RPE65: variants seen among roughly 807,000 people sequenced by gnomAD.
RPE65 encodes retinoid isomerohydrolase.
A neutral mutation model predicts 68.5 loss-of-function variants in RPE65; 58 were observed. The ratio of observed to expected loss-of-function variants is 0.85; its 90% CI spans 0.69 to 1.05. The LOEUF (loss-of-function observed/expected upper bound fraction) is 1.05. Among genes scored for constraint, RPE65 ranks in the 50% least tolerant of loss-of-function variants. RPE65 has a pLI of 0.00. For missense variants in RPE65, 643 were observed against 629.9 expected (o/e 1.02, Z -0.22); for synonymous variants, 220 against 222.2 (o/e 0.99, Z 0.09).
In RPE65 at chr1:68,448,653, A is replaced by G. The variant is rs61751277; in HGVS notation, c.65T>C (p.Leu22Pro). The stretch of plus-strand genomic sequence containing the variant: ...TACATGAGCTGTGAGCGGCGAGGAC[A>G]GTTCCTCCACAGTTTCAAACAGTTT... Reference protein sequence around the residue: ...YKKLFETVEELSSPLTAHVTG... With the variant: ...YKKLFETVEEPSSPLTAHVTG... Residue 22 changes from leucine to proline, a missense_variant, in exon 2 of 14, where the codon CTG (leucine) becomes CCG (proline). Leu to Pro is a moderately conservative substitution (Grantham distance 98). Transcript: ENST00000262340. 17 of 1,613,860 alleles carry G rather than the reference A, an allele frequency of 1.1e-5. No homozygotes were observed. The highest frequency in any genetic ancestry group is 6.7e-5 in the African/African-American group (5 of 74,866).
chr1:68,441,023 C>T (rs764463195), intron 5 of RPE65, 23 bp from the exon 6 acceptor site: 5 of 1,613,200 alleles, frequency 3.1e-6, no homozygotes, highest in East Asian at 2.2e-5. Flanking sequence ...AGTGAATGTC[C>T]TCCAGTTGAG....
chr1:68,438,397 A>G, intron 9 of RPE65, 81 bp from the exon 10 acceptor site: 1 of 1,510,204 alleles, frequency 6.6e-7, no homozygotes, highest in South Asian at 1.2e-5. Context: ...TTTAAGCACA[A>G]GTGCCTGCCT....
intron 13 of RPE65, among the ~76,000 whole-genome samples, chr1:68,430,290 C>G (rs184329893): frequency 1.9e-3 from 286 of 152,284 alleles, no homozygotes; most frequent in African/African-American, 6.6e-3. Context: ...GCTGTACATA[C>G]TGTAAAAACT....
chr1:68,432,125 T>C lies in RPE65; in HGVS notation c.1129-540A>G, dbSNP rs755520483. 8.8e-4 allele frequency among the ~76,000 whole-genome samples: 133 copies of C among 151,564 alleles called. 1 individual carries two copies. Among genetic ancestry groups the C allele is most frequent in the Non-Finnish European group, 1.2e-3 (80 of 67,912 alleles). Reference sequence around the variant, plus strand: ...AAGATCTCTTGTCACACACACATGATTTTTCTGATTATTTTATGAAATACC... The same window carrying C: ...AAGATCTCTTGTCACACACACATGACTTTTCTGATTATTTTATGAAATACC... On this transcript the variant is annotated intron_variant, in intron 10 of 13. Transcript: ENST00000262340.
Position 68,439,520 on chromosome 1 carries a change from C to T in RPE65, c.725+41G>A, listed in dbSNP as rs544065979. 8.7e-6 allele frequency: 14 copies of T among 1,603,416 alleles called. No individual in the cohort carries two copies. In the East Asian group the frequency reaches 2.9e-4, roughly 33 times the overall value. On this transcript the variant is annotated intron_variant, in intron 7 of 13. Transcript: ENST00000262340. ...AAGGTAGGCAAAGCAAATCTTTAAA[C>T]TTGAGTTTTCCTGAAGATTCATAGC... is the stretch of plus-strand genomic sequence containing the variant.
In RPE65 at chr1:68,429,755, A is replaced by T; in HGVS notation, c.*21T>A. 1.2e-6 allele frequency: 2 copies of T among 1,613,374 alleles called. No individual in the cohort carries two copies. Among genetic ancestry groups the T allele is most frequent in the South Asian group, 2.2e-5 (2 of 91,070 alleles). Reference sequence around the variant, plus strand: ...GATTTTCTCAGTTTTGCTACCAAAAACATATCTTGCTGGAGTATGCTCAAG... The same window carrying T: ...GATTTTCTCAGTTTTGCTACCAAAATCATATCTTGCTGGAGTATGCTCAAG... On this transcript the variant is annotated 3_prime_UTR_variant, in exon 14 of 14. Transcript: ENST00000262340.
chr1:68,446,885 T>C, intron 2 of RPE65, 25 bp from the exon 3 acceptor site: 1 of 1,612,600 alleles, frequency 6.2e-7, no homozygotes, highest in Non-Finnish European at 8.5e-7. Context: ...AGACAGAACA[T>C]TGCTTCTTAT....
Position 68,429,712 on chromosome 1 carries a change from G to A in RPE65, c.*64C>T, listed in dbSNP as rs915277974. On this transcript the variant is annotated 3_prime_UTR_variant, in exon 14 of 14. Transcript: ENST00000262340. The stretch of plus-strand genomic sequence containing the variant: ...AGCAGGCTAAAATTGAACAGAATTT[G>A]ATTGCAGACCTGAAGCTGATTTTCT... 1 of 1,601,444 alleles carries A rather than the reference G, an allele frequency of 6.2e-7. No homozygotes were observed. The highest frequency in any genetic ancestry group is 1.1e-5 in the South Asian group (1 of 90,312).
In RPE65 at chr1:68,448,622, A is replaced by T; in HGVS notation, c.94+2T>A. The T allele has an allele frequency of 6.2e-7, 1 of 1,613,834 alleles. No homozygotes were observed. Among genetic ancestry groups the T allele is most frequent in the Non-Finnish European group, 8.5e-7 (1 of 1,179,884 alleles). ...GATGGCTTCAAGATGGGCGAGACCA[A>T]CCTGTTACATGAGCTGTGAGCGGCG... On this transcript the variant is annotated splice_donor_variant, in intron 2 of 13. Coordinates refer to ENST00000262340, the MANE Select transcript of RPE65 (RefSeq NM_000329.3). LOFTEE classifies it high-confidence loss of function.
rs1292766160 is a variant in RPE65 at position 68,438,336 on chromosome 1, A to G, written c.999-20T>C. The G allele has an allele frequency of 1.2e-6, 2 of 1,610,672 alleles. No homozygotes were observed. Among genetic ancestry groups the G allele is most frequent in the Non-Finnish European group, 1.7e-6 (2 of 1,179,424 alleles). On this transcript the variant is annotated intron_variant, in intron 9 of 13. Transcript: ENST00000262340. ...TCAAATCTGCAAAAATAAAAAGTCA[A>G]ACATGAGCACAGGCAATGACAAATA...
intron 2 of RPE65, among the ~76,000 whole-genome samples, chr1:68,447,745 A>G (rs1047858244): frequency 5.0e-4 from 76 of 152,226 alleles, no homozygotes; most frequent in African/African-American, 1.7e-3. Context: ...GCTACTTGGA[A>G]AGGCTGAGGC....
intron 5 of RPE65, among the ~76,000 whole-genome samples, chr1:68,441,893 A>G (rs2100823078): frequency 6.6e-6 from 1 of 152,306 alleles, no homozygotes; most frequent in South Asian, 2.1e-4. Context: ...TCAATCATTT[A>G]TCAAATACTC....
chr1:68,444,958 C>T, intron 3 of RPE65, 75 bp from the exon 4 acceptor site: 1 of 1,192,278 alleles, frequency 8.4e-7, no homozygotes, highest in Non-Finnish European at 1.2e-6. Context: ...TTAGAATGGC[C>T]ATTCTATGTG....
At chr1:68,446,557 G>A (rs750426391) in intron 3 of RPE65, among the ~76,000 whole-genome samples, 153 bp downstream of exon 3, 22 of 152,032 alleles carry the variant, frequency 1.4e-4, no homozygotes, top group South Asian at 1.0e-3. Flanking sequence ...ATGTTCCCTC[G>A]TATCCATGCA....
intron 6 of RPE65, 105 bp downstream of exon 6, chr1:68,440,744 TTAAC>T: frequency 9.9e-6 from 14 of 1,418,698 alleles, no homozygotes; most frequent in Non-Finnish European, 1.3e-5. Context: ...TGAGAGTAAT[TTAAC>T]TATGCACAAA....
intron 13 of RPE65, 41 bp downstream of exon 13, chr1:68,431,024 C>T: frequency 6.7e-7 from 1 of 1,486,170 alleles, no homozygotes; most frequent in Non-Finnish European, 9.4e-7. Flanking sequence ...TACAGAACTG[C>T]AGTAAGAAGA....
intron 2 of RPE65, among the ~76,000 whole-genome samples, chr1:68,448,333 T>C (rs1170854235): frequency 6.6e-6 from 1 of 152,214 alleles, no homozygotes; most frequent in Non-Finnish European, 1.5e-5. Flanking sequence ...CAGACATTTA[T>C]AGGACATTTA....
chr1:68,433,741 C>T (rs1463202234), intron 10 of RPE65, among the ~76,000 whole-genome samples: 1 of 152,046 alleles, frequency 6.6e-6, no homozygotes, highest in Non-Finnish European at 1.5e-5. Flanking sequence ...GCACTTAGTT[C>T]AGCCTCAGAG....
intron 13 of RPE65, among the ~76,000 whole-genome samples, chr1:68,430,205 G>A (rs915329776): frequency 6.6e-6 from 1 of 152,138 alleles, no homozygotes; most frequent in African/African-American, 2.4e-5. Context: ...AATGACTACA[G>A]CGTAGTAGGT....
Sources: gnomAD v4.1 joint callset for allele counts (sites outside exome capture counted in the v4.1 genomes callset) on GRCh38, gnomAD v4.1.1 for gene constraint, MANE v1.5 for transcripts, NCBI Gene and HGNC (gene_info 2026-07-23, HGNC 2026-07-21) for gene names.